CAST: variants seen among roughly 807,000 people sequenced by gnomAD.
CAST encodes MIR583 host.
A neutral mutation model predicts 119.6 loss-of-function variants in CAST; 76 were observed. That is an observed-to-expected ratio of 0.64 (90% CI 0.53 to 0.77). The LOEUF (loss-of-function observed/expected upper bound fraction) is 0.77, where lower values mean the gene tolerates loss of function less well. CAST is among the 30% of genes least tolerant of loss of function. The pLI is 0.00. For missense variants in CAST, 953 were observed against 946.5 expected (o/e 1.01, Z -0.09); for synonymous variants, 319 against 331.6 (o/e 0.96, Z 0.41).
chr5:96,607,569 TATAA>T (rs1747282593), intron 1 of CAST, among the ~76,000 whole-genome samples: 2 of 151,466 alleles, frequency 1.3e-5, no homozygotes, highest in South Asian at 2.1e-4. Flanking sequence ...ATTAATATGA[TATAA>T]CTACCTCTGC....
chr5:96,026,334 G>C, the CAST span, among the ~76,000 whole-genome samples: 1 of 152,272 alleles, frequency 6.6e-6, no homozygotes. Context: ...GACTAATAAA[G>C]AGGAGAAGGA....
At chr5:95,971,479 T>G in the CAST span, among the ~76,000 whole-genome samples, 68 of 152,234 alleles carry the variant, frequency 4.5e-4, no homozygotes, top group Non-Finnish European at 7.6e-4. Context: ...AAATGTATTT[T>G]TAATTTACAT....
chr5:96,178,698 A>C, the CAST span, among the ~76,000 whole-genome samples: 1 of 151,806 alleles, frequency 6.6e-6, no homozygotes, highest in Non-Finnish European at 1.5e-5. Flanking sequence ...GGCTGGTTGA[A>C]GACAATCTGA....
the CAST span, among the ~76,000 whole-genome samples, chr5:95,971,420 AG>A: frequency 6.6e-6 from 1 of 152,222 alleles, no homozygotes; most frequent in South Asian, 2.1e-4. Context: ...CAATTATCCC[AG>A]AAAATTTACT....
chr5:96,413,226 G>A, the CAST span, among the ~76,000 whole-genome samples: 3 of 152,168 alleles, frequency 2.0e-5, no homozygotes. Flanking sequence ...TCACCCCCAA[G>A]GGGAATCATT....
chr5:96,700,241 T>C (rs959707993), intron 3 of CAST, among the ~76,000 whole-genome samples: 1 of 152,230 alleles, frequency 6.6e-6, no homozygotes, highest in African/African-American at 2.4e-5. Flanking sequence ...TATGCTTATA[T>C]TTTAATGTGC....
the CAST span, among the ~76,000 whole-genome samples, chr5:96,306,708 A>C: frequency 6.6e-6 from 1 of 152,062 alleles, no homozygotes; most frequent in Non-Finnish European, 1.5e-5. Context: ...TATTATTTAC[A>C]CAGTAGTCAT....
the CAST span, among the ~76,000 whole-genome samples, chr5:96,188,263 T>C: frequency 2.7e-4 from 41 of 152,200 alleles, no homozygotes; most frequent in Middle Eastern, 3.2e-3. Flanking sequence ...AATATACTGT[T>C]TTCTGCCCTT....
At chr5:96,652,027 A>G (rs1415996923) in intron 1 of CAST, among the ~76,000 whole-genome samples, 1 of 152,226 alleles carries the variant, frequency 6.6e-6, no homozygotes, top group African/African-American at 2.4e-5. Flanking sequence ...ACTGAGTCTC[A>G]GAGAGCTTCG....
intron 1 of CAST, among the ~76,000 whole-genome samples, chr5:96,665,214 C>G (rs527436123): frequency 1.3e-5 from 2 of 152,158 alleles, no homozygotes; most frequent in African/African-American, 4.8e-5. Context: ...ATGTGAGCCA[C>G]GTCTGCAATT....
At chr5:96,550,530 AC>A in intron 1 of CAST, among the ~76,000 whole-genome samples, 1 of 152,356 alleles carries the variant, frequency 6.6e-6, no homozygotes, top group East Asian at 1.9e-4. Flanking sequence ...ACAACTCCTC[AC>A]CAGCAAGGGA....
At chr5:96,487,187 C>T in the CAST span, among the ~76,000 whole-genome samples, 1 of 152,042 alleles carries the variant, frequency 6.6e-6, no homozygotes, top group African/African-American at 2.4e-5. Flanking sequence ...TGTGGTTGGA[C>T]CTCCCCACCC....
At chr5:96,544,488 T>A (rs1379933864) in intron 1 of CAST, among the ~76,000 whole-genome samples, 1 of 152,180 alleles carries the variant, frequency 6.6e-6, no homozygotes, top group Non-Finnish European at 1.5e-5. Context: ...TTTATATAGA[T>A]GATCATGTTA....
the CAST span, among the ~76,000 whole-genome samples, chr5:96,195,774 G>A: frequency 4.6e-5 from 7 of 152,060 alleles, no homozygotes; most frequent in Non-Finnish European, 1.0e-4. Flanking sequence ...CAGATAACAT[G>A]TTCATGCCAA....
intron 1 of CAST, among the ~76,000 whole-genome samples, chr5:96,544,514 A>T (rs2150180646): frequency 6.6e-6 from 1 of 152,284 alleles, no homozygotes; most frequent in South Asian, 2.1e-4. Flanking sequence ...GAACAAGTAC[A>T]GTTCCTGTAC....
At chr5:96,411,659 A>T in the CAST span, among the ~76,000 whole-genome samples, 90,309 of 152,038 alleles carry the variant, frequency 0.59, 27,343 homozygotes, top group Non-Finnish European at 0.66. Flanking sequence ...TTGGAAGAAG[A>T]CTGAGTAGTT....
chr5:96,495,135 A>AAAGC, the CAST span, among the ~76,000 whole-genome samples: 1 of 146,546 alleles, frequency 6.8e-6, no homozygotes, highest in South Asian at 2.1e-4. Context: ...AAAAAAAAAA[A>AAAGC]AAAAAGTGTG....
At chr5:96,240,364 C>T in the CAST span, among the ~76,000 whole-genome samples, 1 of 152,134 alleles carries the variant, frequency 6.6e-6, no homozygotes, top group Non-Finnish European at 1.5e-5. Flanking sequence ...TGACTGTGCA[C>T]AGTTTTCTCT....
At chr5:96,211,076 T>C in the CAST span, among the ~76,000 whole-genome samples, 2 of 151,998 alleles carry the variant, frequency 1.3e-5, no homozygotes, top group African/African-American at 4.8e-5. Context: ...GTAGATTCCT[T>C]AGGAACTTTT....
Sources: gnomAD v4.1 joint callset for allele counts (sites outside exome capture counted in the v4.1 genomes callset) on GRCh38, gnomAD v4.1.1 for gene constraint, MANE v1.5 for transcripts, NCBI Gene and HGNC (gene_info 2026-07-23, HGNC 2026-07-21) for gene names.